CASK: variants seen among roughly 807,000 people sequenced by gnomAD.
CASK encodes calcium/calmodulin dependent serine protein kinase.
CASK carries 4 observed loss-of-function variants against 82.9 expected under a neutral mutation model. The observed-to-expected ratio is 0.05, with a 90% CI of 0.02 to 0.11. The LOEUF (loss-of-function observed/expected upper bound fraction) is 0.11, where lower values mean the gene tolerates loss of function less well. Ranked by LOEUF, CASK falls within the 10% of genes least tolerant of loss-of-function variation. CASK has a pLI of 1.00. For missense variants in CASK, 358 were observed against 720.9 expected, an observed-to-expected ratio of 0.50 and a Z score of 5.76; for synonymous variants, 259 against 253.5, an observed-to-expected ratio of 1.02 and a Z score of -0.20.
chrX:41,816,703 A>G (rs1417257953), intron 2 of CASK, among the ~76,000 whole-genome samples: 1 of 111,543 alleles, frequency 9.0e-6, no homozygotes, highest in Non-Finnish European at 1.9e-5. Context: ...TTACAGATAT[A>G]CTAAGAATAA....
At chrX:41,883,806 G>C (rs758561241) in intron 1 of CASK, among the ~76,000 whole-genome samples, 14 of 111,517 alleles carry the variant, frequency 1.3e-4, no homozygotes, top group Admixed American at 1.2e-3. Context: ...TAGGGCCATG[G>C]AGAAGAATGG....
At chrX:41,741,033 C>A (rs1395153054) in intron 4 of CASK, among the ~76,000 whole-genome samples, 1 of 111,223 alleles carries the variant, frequency 9.0e-6, no homozygotes, top group Admixed American at 9.6e-5. Flanking sequence ...CAGATATGCG[C>A]CACCACGCCT....
At chrX:41,767,026 A>G (rs1261474879) in intron 3 of CASK, among the ~76,000 whole-genome samples, 1 of 112,477 alleles carries the variant, frequency 8.9e-6, no homozygotes, top group Non-Finnish European at 1.9e-5. Flanking sequence ...TCTTGTAAAT[A>G]AAAATCTGTA....
intron 1 of CASK, among the ~76,000 whole-genome samples, chrX:41,921,621 A>G (rs1002877040): frequency 9.0e-6 from 1 of 111,297 alleles, no homozygotes; most frequent in South Asian, 3.8e-4. Flanking sequence ...TCATGTAACA[A>G]TAGGGCAAGG....
At chrX:41,687,965 C>CAAAAA (rs76783862) in intron 5 of CASK, among the ~76,000 whole-genome samples, 1 of 24,574 alleles carries the variant, frequency 4.1e-5, no homozygotes, top group African/African-American at 1.5e-4. Context: ...AACTCCGTCT[C>CAAAAA]AAAAAAAAAA....
At chrX:41,743,392 G>A in intron 4 of CASK, among the ~76,000 whole-genome samples, 1 of 111,764 alleles carries the variant, frequency 8.9e-6, no homozygotes, top group South Asian at 3.8e-4. Flanking sequence ...TAGAAGATGG[G>A]ATTTAAAAAA....
chrX:41,621,280 G>A (rs1321680248), intron 11 of CASK, among the ~76,000 whole-genome samples: 1 of 112,024 alleles, frequency 8.9e-6, no homozygotes, highest in East Asian at 2.8e-4. Flanking sequence ...CCCCTGGAGT[G>A]CAGGCTGGAC....
chrX:41,690,933 A>G (rs1164115855), intron 5 of CASK, among the ~76,000 whole-genome samples: 2 of 111,259 alleles, frequency 1.8e-5, no homozygotes, highest in Non-Finnish European at 3.8e-5. Context: ...TCAGCCTCCC[A>G]AAGTGCTGGG....
At position 41,703,153 on chromosome X, in the gene CASK, A is replaced by C. The variant is rs190930408; in HGVS notation, c.430-31623T>G. On this transcript the variant is annotated intron_variant, in intron 5 of 26. Transcript: ENST00000378163. ...ATTCTTTTTTGGTAATTTCACATAT[A>C]AATAGTTTTTAGTTATAAAACGTTT... 4.4e-5 allele frequency among the ~76,000 whole-genome samples: 5 copies of C among 112,616 alleles called. 1 individual carries two copies. In the Admixed American group the frequency reaches 4.7e-4, roughly 11 times the overall value.
At chrX:41,522,239 A>C (rs1872673318) in intron 26 of CASK, 1 of 111,687 alleles carries the variant, frequency 9.0e-6, no homozygotes, top group Non-Finnish European at 1.9e-5. Context: ...AAGTGAGATA[A>C]AGAGACTTGC....
At chrX:41,672,611 T>C (rs1306120804) in intron 5 of CASK, among the ~76,000 whole-genome samples, 1 of 112,123 alleles carries the variant, frequency 8.9e-6, no homozygotes, top group African/African-American at 3.2e-5. Flanking sequence ...ACTGAGCTGG[T>C]ACACCTGTGT....
At chrX:41,915,833 CAAA>C (rs200108960) in intron 1 of CASK, among the ~76,000 whole-genome samples, 1 of 73,621 alleles carries the variant, frequency 1.4e-5, no homozygotes. Flanking sequence ...ACTAGAAATA[CAAA>C]AAAAAAAAAA....
intron 5 of CASK, among the ~76,000 whole-genome samples, chrX:41,714,489 C>T (rs958410126): frequency 8.9e-5 from 10 of 111,749 alleles, no homozygotes; most frequent in African/African-American, 2.9e-4. Context: ...TGTAAAACAC[C>T]CTTGTAGCAA....
At chrX:41,570,010 C>CTTTTTTTTTTTTTTTTTTTTTTTTT (rs397937722) in intron 15 of CASK, among the ~76,000 whole-genome samples, 16 of 70,612 alleles carry the variant, frequency 2.3e-4, no homozygotes, top group East Asian at 1.0e-3. Flanking sequence ...TTTCTTTTTT[C>CTTTTTTTTTTTTTTTTTTTTTTTTT]TTTTTTTTTT....
chrX:41,684,085 T>C (rs1408167694), intron 5 of CASK, among the ~76,000 whole-genome samples: 1 of 112,129 alleles, frequency 8.9e-6, no homozygotes, highest in African/African-American at 3.2e-5. Context: ...AATCTGTCAG[T>C]TTTCATTATC....
chrX:41,559,703 G>T, intron 18 of CASK, 76 bp downstream of exon 18: 1 of 910,346 alleles, frequency 1.1e-6, no homozygotes, highest in Non-Finnish European at 1.6e-6. Context: ...TTCCCAGAAA[G>T]CAAAAACATA....
intron 2 of CASK, among the ~76,000 whole-genome samples, chrX:41,823,751 GTC>G (rs1362706495): frequency 9.0e-6 from 1 of 110,996 alleles, no homozygotes; most frequent in African/African-American, 3.3e-5. Context: ...GGTTTCCTCT[GTC>G]TCTTTCCATC....
chrX:41,834,956 G>T (rs1332092262), intron 2 of CASK, among the ~76,000 whole-genome samples: 1 of 111,339 alleles, frequency 9.0e-6, no homozygotes, highest in Non-Finnish European at 1.9e-5. Context: ...AATTCATCTT[G>T]TACCTAGTGT....
rs752196101 is a variant in CASK, at chrX:41,544,564, T to TAA, written c.2040-1760_2040-1759dup. ...CTGGGCAACCGAGCGAGACCTTGTC[T>TAA]AAAAAAAAAAAAAAAAAAAAAACAA... On this transcript the variant is annotated intron_variant, in intron 21 of 26. Coordinates refer to ENST00000378163, the MANE Select transcript of CASK (RefSeq NM_001367721.1). Among the ~76,000 whole-genome samples the TAA allele has an allele frequency of 3.8e-3, 184 of 48,232 alleles. 2 individuals are homozygous for TAA. Among genetic ancestry groups the TAA allele is most frequent in the African/African-American group, 0.011 (131 of 12,315 alleles). The allele number at this position is 48,232 out of a possible 115,157, so 41.9% of individuals were successfully genotyped here. A position where few individuals can be genotyped will look rare whatever the true frequency, so the allele number is the denominator to read the frequency against.
Sources: allele counts gnomAD v4.1 joint callset (sites outside exome capture counted in the v4.1 genomes callset), GRCh38; gene constraint gnomAD v4.1.1; transcripts MANE v1.5; gene names NCBI Gene and HGNC (gene_info 2026-07-23, HGNC 2026-07-21).